Variants in COL11A1 observed in about 807,000 individuals in gnomAD.
COL11A1 encodes the protein collagen alpha-1(XI) chain.
COL11A1 carries 74 observed loss-of-function variants against 265.2 expected under a neutral mutation model. The observed-to-expected ratio is 0.28, with a 90% CI of 0.23 to 0.34. COL11A1 has a LOEUF of 0.34. Ranked by LOEUF, COL11A1 falls within the 10% of genes least tolerant of loss-of-function variation. COL11A1 has a pLI of 1.00. For synonymous variants in COL11A1, 816 were observed against 727.6 expected (o/e 1.12, Z -1.96); for missense variants, 2,165 against 2,263.6 (o/e 0.96, Z 0.88).
intron 4 of COL11A1, among the ~76,000 whole-genome samples, chr1:103,052,608 A>G (rs1473508389): frequency 6.6e-6 from 1 of 152,196 alleles, no homozygotes; most frequent in Non-Finnish European, 1.5e-5. Context: ...AACAATTGAC[A>G]CATAATGTTT....
At chr1:102,951,733 C>A (rs1227701515) in intron 41 of COL11A1, among the ~76,000 whole-genome samples, 1 of 150,290 alleles carries the variant, frequency 6.7e-6, no homozygotes, top group Non-Finnish European at 1.5e-5. Context: ...CGGAGCCAGA[C>A]TCCGTCTTAA....
intron 4 of COL11A1, among the ~76,000 whole-genome samples, chr1:103,048,958 G>A (rs2102113786): frequency 6.6e-6 from 1 of 152,306 alleles, no homozygotes; most frequent in Non-Finnish European, 1.5e-5. Context: ...ACTGTGGTCT[G>A]AGAGACAGTT....
intron 53 of COL11A1, 60 bp from the exon 54 acceptor site, chr1:102,912,272 A>T: frequency 7.1e-7 from 1 of 1,412,356 alleles, no homozygotes; most frequent in Non-Finnish European, 9.7e-7. Flanking sequence ...GCCCACATAA[A>T]TTTTCAAAAT....
chr1:102,986,897 GA>G (rs1663620416), intron 30 of COL11A1, among the ~76,000 whole-genome samples: 1 of 152,024 alleles, frequency 6.6e-6, no homozygotes, highest in African/African-American at 2.4e-5. Flanking sequence ...GTCAAGCCCA[GA>G]TTAAAATTAA....
chr1:103,084,532 C>T (rs1672700340), intron 1 of COL11A1, among the ~76,000 whole-genome samples: 2 of 151,170 alleles, frequency 1.3e-5, no homozygotes, highest in African/African-American at 4.9e-5. Flanking sequence ...GAAAGAAGTC[C>T]TGATACAGGC....
chr1:103,046,283 T>C, intron 4 of COL11A1, among the ~76,000 whole-genome samples: 1 of 10,770 alleles, frequency 9.3e-5, no homozygotes, highest in Non-Finnish European at 3.0e-4. Flanking sequence ...AGCACCTTTT[T>C]AATGATTGCC....
In COL11A1 at chr1:102,940,838, A is replaced by C. The variant is rs138555973; in HGVS notation, c.3277-404T>G. On this transcript the variant is annotated intron_variant, in intron 42 of 66. Transcript: ENST00000370096. ...AGTTGCTCATATGTCCAACTTTGCC[A>C]TATGCTTTATATGTTTCATATGTAA... 1.1e-4 allele frequency among the ~76,000 whole-genome samples: 17 copies of C among 152,208 alleles called. 1 individual carries two copies. In the East Asian group the frequency reaches 3.3e-3, roughly 29 times the overall value.
Position 103,048,319 on chromosome 1 carries a change from G to T in COL11A1, c.652-17075C>A, listed in dbSNP as rs186651909. On this transcript the variant is annotated intron_variant, in intron 4 of 66. Transcript: ENST00000370096. ...CTATTCAGAGATTCAACTTCTTCCT[G>T]GTTTATTCTTGGGAGGATGTATGTG... Among the ~76,000 whole-genome samples the T allele has an allele frequency of 1.9e-3, 288 of 152,198 alleles. 2 individuals are homozygous for T. The highest frequency in any genetic ancestry group is 6.7e-3 in the African/African-American group (279 of 41,516).
rs540295404 is a variant in COL11A1, at chr1:102,905,391, TA to T, written c.4087-6398del. Among the ~76,000 whole-genome samples, 204 of 126,590 alleles carry T rather than the reference TA, an allele frequency of 1.6e-3. 3 individuals are homozygous for T. Among genetic ancestry groups the T allele is most frequent in the Middle Eastern group, 0.013 (3 of 234 alleles). The allele number at this position is 126,590 out of a possible 152,430, so 83.0% of individuals were successfully genotyped here. ...AGTATAATAATAATAAAATAAAAAT[TA>T]AAAAAAAAGGAAAGAGAGAGAAAGG... On this transcript the variant is annotated intron_variant, in intron 54 of 66. Coordinates refer to ENST00000370096, the MANE Select transcript of COL11A1 (RefSeq NM_001854.4).
rs1448831273 is a variant in COL11A1, at chr1:102,920,299, T to C, written c.3762+12A>G. ...CATGCTGTTTCAAACTGTGTGTCAC[T>C]AACATATTTACCTTTTCTCCAACAC... On this transcript the variant is annotated intron_variant, in intron 49 of 66. Transcript: ENST00000370096. The C allele has an allele frequency of 1.2e-6, 2 of 1,612,122 alleles. No homozygotes were observed. The highest frequency in any genetic ancestry group is 8.5e-7 in the Non-Finnish European group (1 of 1,178,300).
intron 57 of COL11A1, among the ~76,000 whole-genome samples, chr1:102,894,426 C>T (rs574190304): frequency 2.6e-5 from 4 of 152,068 alleles, no homozygotes; most frequent in South Asian, 2.1e-4. Context: ...CCCAGCTAAC[C>T]GAGAGGCTGA....
At chr1:103,009,683 A>G (rs1665941775) in intron 14 of COL11A1, among the ~76,000 whole-genome samples, 2 of 152,210 alleles carry the variant, frequency 1.3e-5, no homozygotes. Flanking sequence ...ACTACATCGT[A>G]TAAAGTATGA....
At chr1:103,016,865 T>C (rs1666609183) in intron 11 of COL11A1, among the ~76,000 whole-genome samples, 1 of 152,020 alleles carries the variant, frequency 6.6e-6, no homozygotes, top group South Asian at 2.1e-4. Context: ...TAATTTCCTA[T>C]TACTAAAATA....
chr1:103,030,930 G>A, intron 5 of COL11A1, 186 bp downstream of exon 5: 1 of 688,280 alleles, frequency 1.5e-6, no homozygotes, highest in East Asian at 3.0e-5. Context: ...GTAATCAAAT[G>A]CTTAAACAGC....
chr1:102,884,292 T>C (rs1013516718), intron 63 of COL11A1: 1 of 152,126 alleles, frequency 6.6e-6, no homozygotes, highest in African/African-American at 2.4e-5. Context: ...CTAAACATAC[T>C]ACTCTAACTG....
chr1:102,893,956 C>T (rs1304999099), intron 57 of COL11A1, among the ~76,000 whole-genome samples: 2 of 152,010 alleles, frequency 1.3e-5, no homozygotes, highest in African/African-American at 2.4e-5. Context: ...AAAAATAATG[C>T]TATCAGATAT....
intron 41 of COL11A1, among the ~76,000 whole-genome samples, chr1:102,953,405 C>T (rs1381051777): frequency 6.6e-6 from 1 of 152,110 alleles, no homozygotes; most frequent in Non-Finnish European, 1.5e-5. Context: ...CTCTATGGGC[C>T]ACTTTTGTTG....
At chr1:102,960,229 A>G (rs1660764611) in intron 41 of COL11A1, among the ~76,000 whole-genome samples, 1 of 152,148 alleles carries the variant, frequency 6.6e-6, no homozygotes, top group Non-Finnish European at 1.5e-5. Context: ...AAGAGTAAGT[A>G]TCATGTGAAT....
intron 4 of COL11A1, among the ~76,000 whole-genome samples, chr1:103,050,234 A>G (rs1571154978): frequency 1.3e-5 from 2 of 152,224 alleles, no homozygotes; most frequent in East Asian, 3.8e-4. Flanking sequence ...ACTTTCAGGT[A>G]CACCAGTCAG....
Sources: allele counts gnomAD v4.1 joint callset (sites outside exome capture counted in the v4.1 genomes callset), GRCh38; gene constraint gnomAD v4.1.1; transcripts MANE v1.5; gene names NCBI Gene and HGNC (gene_info 2026-07-23, HGNC 2026-07-21).